The following FRMD4A variants were observed in gnomAD, a reference collection of about 807,000 sequenced individuals.
The protein encoded by FRMD4A is FERM domain-containing protein 4A.
Under a neutral mutation model 129.1 loss-of-function variants are expected in FRMD4A, and 29 were observed. The observed-to-expected ratio is 0.22, with a 90% confidence interval of 0.17 to 0.31. The LOEUF (loss-of-function observed/expected upper bound fraction) is 0.31, where lower values mean the gene tolerates loss of function less well. Among genes scored for constraint, FRMD4A ranks in the 10% least tolerant of loss-of-function variants. FRMD4A has a pLI of 1.00. For synonymous variants in FRMD4A, 634 were observed against 571.6 expected, an observed-to-expected ratio of 1.11 and a Z score of -1.56; for missense variants, 1,272 against 1,375.8, an observed-to-expected ratio of 0.92 and a Z score of 1.19.
At position 14,045,448 on chromosome 10, in the gene FRMD4A, C is replaced by T. The variant is rs180900905; in HGVS notation, c.46-186536G>A. On this transcript the variant is annotated intron_variant, in intron 2 of 24. Transcript: ENST00000357447. The stretch of plus-strand genomic sequence containing the variant: ...ATGTCCACTGCTGACATGTCTATTA[C>T]GCACACACTTTGCCCCCTTTCATGG... Among the ~76,000 whole-genome samples, 745 of 152,134 alleles carry T rather than the reference C, an allele frequency of 4.9e-3. 14 individuals carry two copies. Among genetic ancestry groups the T allele is most frequent in the African/African-American group, 0.017 (700 of 41,506 alleles).
intron 15 of FRMD4A, among the ~76,000 whole-genome samples, chr10:13,688,922 T>C (rs2085372060): frequency 6.6e-6 from 1 of 152,090 alleles, no homozygotes; most frequent in Non-Finnish European, 1.5e-5. Context: ...TTCATCATGT[T>C]GGCCAGGCTA....
chr10:13,686,464 G>C (rs549116497), intron 15 of FRMD4A, among the ~76,000 whole-genome samples: 1 of 152,300 alleles, frequency 6.6e-6, no homozygotes, highest in South Asian at 2.1e-4. Flanking sequence ...CTTAACAATG[G>C]GAGGAAGTGC....
chr10:14,192,824 C>T (rs1304961191), intron 2 of FRMD4A, among the ~76,000 whole-genome samples: 3 of 152,212 alleles, frequency 2.0e-5, no homozygotes, highest in Non-Finnish European at 2.9e-5. Context: ...ATTTTTGCAT[C>T]AACTTTTTCT....
intron 2 of FRMD4A, among the ~76,000 whole-genome samples, chr10:13,932,180 T>A (rs1261668658): frequency 6.6e-6 from 1 of 152,228 alleles, no homozygotes; most frequent in Non-Finnish European, 1.5e-5. Context: ...AATAACCTGG[T>A]CCTCTGCTTT....
chr10:13,806,509 T>C (rs2093359412), intron 4 of FRMD4A, among the ~76,000 whole-genome samples: 2 of 152,228 alleles, frequency 1.3e-5, no homozygotes, highest in Admixed American at 1.3e-4. Flanking sequence ...TCTGTAACTT[T>C]ACAGGCCCCT....
chr10:14,275,666 G>T (rs1476254850), intron 2 of FRMD4A, among the ~76,000 whole-genome samples: 1 of 152,132 alleles, frequency 6.6e-6, no homozygotes, highest in East Asian at 1.9e-4. Flanking sequence ...GGTCAAGGTG[G>T]TTAACTGCAA....
intron 2 of FRMD4A, among the ~76,000 whole-genome samples, chr10:14,300,162 G>A (rs1217568063): frequency 1.3e-5 from 2 of 151,976 alleles, no homozygotes; most frequent in East Asian, 3.9e-4. Flanking sequence ...TATTTCCTTA[G>A]CAAAATAATA....
At chr10:14,042,899 T>G (rs1450920084) in intron 2 of FRMD4A, among the ~76,000 whole-genome samples, 6 of 118,442 alleles carry the variant, frequency 5.1e-5, no homozygotes, top group Non-Finnish European at 9.5e-5. Flanking sequence ...CACTCCAGCC[T>G]GGGTGATAGA....
chr10:14,155,810 A>G (rs1485869924), intron 2 of FRMD4A, among the ~76,000 whole-genome samples: 1 of 152,230 alleles, frequency 6.6e-6, no homozygotes, highest in East Asian at 1.9e-4. Context: ...TTCAGAACGC[A>G]ATAAAACAAG....
rs371311494 is a variant in FRMD4A at position 13,884,103 on chromosome 10, A to AC, written c.46-25192_46-25191insG. 2.8e-5 allele frequency among the ~76,000 whole-genome samples: 3 copies of AC among 105,704 alleles called. No individual in the cohort carries two copies. In the South Asian group the frequency reaches 1.0e-3, roughly 36 times the overall value. The allele number at this position is 105,704 out of a possible 152,430, so 69.3% of individuals were successfully genotyped here. On this transcript the variant is annotated intron_variant, in intron 2 of 24. Transcript: ENST00000357447. The stretch of plus-strand genomic sequence containing the variant: ...TGAGTGGTTGATGCAATGGAAAAGA[A>AC]ACACACACACACACACACTCACACA...
chr10:13,732,967 G>C (rs975797021), intron 12 of FRMD4A, among the ~76,000 whole-genome samples: 4 of 152,206 alleles, frequency 2.6e-5, no homozygotes, highest in Admixed American at 1.3e-4. Context: ...GGCCTGGTCG[G>C]AGGTGTAGGT....
At chr10:13,995,449 G>T (rs906344884) in intron 2 of FRMD4A, among the ~76,000 whole-genome samples, 15 of 152,212 alleles carry the variant, frequency 9.9e-5, no homozygotes, top group African/African-American at 3.6e-4. Flanking sequence ...ACTAGGTGTG[G>T]TGGTGCATGC....
In FRMD4A at chr10:13,904,463, G is replaced by C. The variant is rs2094857881; in HGVS notation, c.46-45551C>G. 2.0e-5 allele frequency among the ~76,000 whole-genome samples: 3 copies of C among 152,136 alleles called. No individual in the cohort carries two copies. In the South Asian group the frequency reaches 6.2e-4, roughly 31 times the overall value. On this transcript the variant is annotated intron_variant, in intron 2 of 24. Transcript: ENST00000357447. ...CCATGCGCATCTCTATGCTCAGCAC[G>C]TTTTCATCACCACCTTTGCATATGT...
intron 3 of FRMD4A, among the ~76,000 whole-genome samples, chr10:13,850,441 C>A: frequency 6.6e-6 from 1 of 152,152 alleles, no homozygotes; most frequent in Non-Finnish European, 1.5e-5. Flanking sequence ...ATTATTTCAT[C>A]CACTGCTGTG....
At chr10:13,856,539 C>A (rs767152397) in intron 3 of FRMD4A, among the ~76,000 whole-genome samples, 49 of 151,830 alleles carry the variant, frequency 3.2e-4, no homozygotes, top group Non-Finnish European at 5.7e-4. Flanking sequence ...ACAGACTAGG[C>A]GGAGGGGGTC....
chr10:14,236,995 C>CA (rs71477244), intron 2 of FRMD4A, among the ~76,000 whole-genome samples: 3,748 of 75,272 alleles, frequency 0.05, 343 homozygotes, highest in African/African-American at 0.078. Flanking sequence ...AACAGGTCAG[C>CA]AAAAAAAAAA....
intron 2 of FRMD4A, among the ~76,000 whole-genome samples, chr10:14,054,675 A>T (rs990105124): frequency 6.6e-5 from 10 of 152,008 alleles, no homozygotes; most frequent in Admixed American, 5.9e-4. Flanking sequence ...GTCCCCTCCA[A>T]TGCCAAGTGA....
rs537147871 is a variant in FRMD4A at position 14,209,731 on chromosome 10, A to G, written c.45+120327T>C. 1.4e-4 allele frequency among the ~76,000 whole-genome samples: 21 copies of G among 151,618 alleles called. No individual in the cohort carries two copies. In the South Asian group the frequency reaches 4.4e-3, roughly 32 times the overall value. On this transcript the variant is annotated intron_variant, in intron 2 of 24. Coordinates refer to ENST00000357447, the MANE Select transcript of FRMD4A (RefSeq NM_018027.5). The stretch of plus-strand genomic sequence containing the variant: ...GCGAGACTGTCTCAAAAAAAAAAAA[A>G]AAAAAATAGCTGGACATGGTGGTGC...
At chr10:13,706,701 A>G (rs1052880991) in intron 13 of FRMD4A, among the ~76,000 whole-genome samples, 1 of 151,762 alleles carries the variant, frequency 6.6e-6, no homozygotes, top group Non-Finnish European at 1.5e-5. Context: ...ACAAAGTGCT[A>G]TAAAGCTTCC....
Sources: allele counts gnomAD v4.1 joint callset (sites outside exome capture counted in the v4.1 genomes callset), GRCh38; gene constraint gnomAD v4.1.1; transcripts MANE v1.5; gene names NCBI Gene and HGNC (gene_info 2026-07-23, HGNC 2026-07-21).